Variants in AGPAT5 observed in about 807,000 individuals in gnomAD.
AGPAT5 encodes the protein 1-acyl-sn-glycerol-3-phosphate acyltransferase epsilon.
A neutral mutation model predicts 45.6 loss-of-function variants in AGPAT5; 46 were observed. The observed-to-expected ratio is 1.01, with a 90% CI of 0.80 to 1.29. The LOEUF is 1.29. Among genes scored for constraint, AGPAT5 ranks in the 50% most tolerant of loss-of-function variants. The pLI is 0.00. For synonymous variants in AGPAT5, 272 were observed against 167.0 expected (o/e 1.63, Z -4.85); for missense variants, 673 against 450.7 (o/e 1.49, Z -4.47).
intron 1 of AGPAT5, among the ~76,000 whole-genome samples, chr8:6,710,184 A>G (rs972992721): frequency 3.9e-5 from 6 of 152,186 alleles, no homozygotes; most frequent in Non-Finnish European, 5.9e-5. Context: ...AGAGGACACA[A>G]TATGATGCAG....
intron 1 of AGPAT5, among the ~76,000 whole-genome samples, chr8:6,709,959 C>G (rs59623151): frequency 0.037 from 5,569 of 152,150 alleles, 232 homozygotes; most frequent in East Asian, 0.13. Flanking sequence ...TAAAATGGGC[C>G]TCATTTAAAA....
chr8:6,725,447 C>G (rs1800653830), intron 2 of AGPAT5, among the ~76,000 whole-genome samples: 1 of 152,138 alleles, frequency 6.6e-6, no homozygotes, highest in South Asian at 2.1e-4. Context: ...TTGCAGAGAA[C>G]TGGTCTTCAA....
intron 4 of AGPAT5, among the ~76,000 whole-genome samples, chr8:6,739,632 A>G (rs1801173462): frequency 6.6e-6 from 1 of 152,152 alleles, no homozygotes; most frequent in Non-Finnish European, 1.5e-5. Context: ...AAACTTATTT[A>G]TCATCTAGTA....
intron 4 of AGPAT5, 57 bp from the exon 5 acceptor site, chr8:6,741,604 A>G: frequency 7.9e-7 from 1 of 1,266,264 alleles, no homozygotes; most frequent in Middle Eastern, 1.9e-4. Context: ...TTTTAGGTTA[A>G]CAATAACAAA....
chr8:6,710,499 C>T (rs1253930471), intron 1 of AGPAT5, among the ~76,000 whole-genome samples: 2 of 152,100 alleles, frequency 1.3e-5, no homozygotes, highest in East Asian at 1.9e-4. Context: ...CTTTAGGAGT[C>T]GTAGAACGAA....
intron 1 of AGPAT5, among the ~76,000 whole-genome samples, chr8:6,720,268 C>G: frequency 6.6e-6 from 1 of 150,398 alleles, no homozygotes; most frequent in East Asian, 2.0e-4. Context: ...AAAAAAAAAA[C>G]TTGGAATGAC....
At chr8:6,734,385 A>G (rs1376881012) in intron 4 of AGPAT5, among the ~76,000 whole-genome samples, 1 of 151,316 alleles carries the variant, frequency 6.6e-6, no homozygotes, top group African/African-American at 2.4e-5. Flanking sequence ...TCTACTGGTG[A>G]GCCAGTTTAA....
intron 5 of AGPAT5, among the ~76,000 whole-genome samples, chr8:6,747,337 A>G (rs1801508304): frequency 6.6e-6 from 1 of 152,200 alleles, no homozygotes; most frequent in South Asian, 2.1e-4. Context: ...GCAAGATGCT[A>G]TCACCTTTGT....
At chr8:6,721,808 G>A (rs969211346) in intron 1 of AGPAT5, among the ~76,000 whole-genome samples, 2 of 152,148 alleles carry the variant, frequency 1.3e-5, no homozygotes, top group Middle Eastern at 3.4e-3. Flanking sequence ...TTTTTTTGAC[G>A]TTAGTATTTT....
chr8:6,715,825 G>A (rs1201223930), intron 1 of AGPAT5, among the ~76,000 whole-genome samples: 1 of 152,150 alleles, frequency 6.6e-6, no homozygotes, highest in Non-Finnish European at 1.5e-5. Flanking sequence ...TAGTGGAGAA[G>A]GCTATAAAAA....
chr8:6,758,011 G>T lies in AGPAT5; in HGVS notation c.*623G>T, dbSNP rs1439888415. The T allele has an allele frequency of 6.6e-6, 1 of 152,162 alleles. No individual in the cohort carries two copies. Among genetic ancestry groups the T allele is most frequent in the Non-Finnish European group, 1.5e-5 (1 of 68,042 alleles). 9.4% of individuals were successfully genotyped at this position (152,162 alleles called of 1,614,324 possible). ...GCAAAATAAATTTCTAATATTTATTGAAATTGCTTAATTTGCACACCCTGT... is the reference window on the plus strand; with the variant it reads ...GCAAAATAAATTTCTAATATTTATTTAAATTGCTTAATTTGCACACCCTGT... On this transcript the variant is annotated 3_prime_UTR_variant, in exon 8 of 8. Transcript: ENST00000285518.
chr8:6,717,378 AG>A (rs1413825556), intron 1 of AGPAT5, among the ~76,000 whole-genome samples: 1 of 152,198 alleles, frequency 6.6e-6, no homozygotes, highest in African/African-American at 2.4e-5. Context: ...GAAAGAAAGG[AG>A]GGTGATGGTA....
intron 1 of AGPAT5, among the ~76,000 whole-genome samples, chr8:6,718,247 G>A (rs1800395837): frequency 1.3e-5 from 2 of 152,212 alleles, no homozygotes; most frequent in South Asian, 2.1e-4. Flanking sequence ...CTTCTTGGGT[G>A]GCACAGGCCA....
Position 6,730,411 on chromosome 8 carries a change from G to C in AGPAT5, c.290-300G>C, listed in dbSNP as rs1277399759. 1.6e-4 allele frequency among the ~76,000 whole-genome samples: 2 copies of C among 12,760 alleles called. 1 individual carries two copies. The highest frequency in any genetic ancestry group is 4.5e-3 in the East Asian group (2 of 440). The allele number at this position is 12,760 out of a possible 152,430, so 8.4% of individuals were successfully genotyped here. The stretch of plus-strand genomic sequence containing the variant: ...GTGGCGCAATCTCGGTTCACTGCAG[G>C]CTCCGCCCCCTGGGGTTCACGCCAT... On this transcript the variant is annotated intron_variant, in intron 2 of 7. Coordinates refer to ENST00000285518, the MANE Select transcript of AGPAT5 (RefSeq NM_018361.5).
chr8:6,734,374 G>C (rs1044627130), intron 4 of AGPAT5, among the ~76,000 whole-genome samples: 2 of 151,494 alleles, frequency 1.3e-5, no homozygotes, highest in Non-Finnish European at 2.9e-5. Flanking sequence ...GCTGTGTTGA[G>C]TCTACTGGTG....
In AGPAT5 at chr8:6,708,786, G is replaced by A; in HGVS notation, c.118G>A (p.Ala40Thr). Reference protein sequence around the residue: ...LAWGVWRLLSAFLPARFYQAL... With the variant: ...LAWGVWRLLSTFLPARFYQAL... ...CTGGGGGGTCTGGCGGCTGCTCTCC[G>A]CCTTCCTGCCCGCCCGCTTCTACCA... The change falls in exon 1 of 8, where the codon GCC becomes ACC. Residue 40 changes from alanine to threonine, a missense_variant. Transcript: ENST00000285518. The A allele has an allele frequency of 3.7e-6, 6 of 1,609,448 alleles. No homozygotes were observed. Among genetic ancestry groups the A allele is most frequent in the Non-Finnish European group, 5.1e-6 (6 of 1,179,626 alleles).
chr8:6,739,518 G>C (rs959199947), intron 4 of AGPAT5, among the ~76,000 whole-genome samples: 9 of 151,974 alleles, frequency 5.9e-5, no homozygotes, highest in Admixed American at 2.0e-4. Context: ...ATATCCCTAA[G>C]AATTTCAGTT....
chr8:6,730,890 G>C (rs1800840991), intron 3 of AGPAT5, 64 bp downstream of exon 3: 1 of 796,350 alleles, frequency 1.3e-6, no homozygotes, highest in Non-Finnish European at 1.8e-6. Context: ...TTTTTTTTTG[G>C]AGACAGTCTC....
intron 5 of AGPAT5, 139 bp downstream of exon 5, chr8:6,741,890 C>A (rs912144433): frequency 3.9e-5 from 24 of 619,398 alleles, no homozygotes; most frequent in Admixed American, 6.4e-5. Context: ...TACATATTAT[C>A]TCTTAGGAAA....
Sources: gnomAD v4.1 joint callset for allele counts (sites outside exome capture counted in the v4.1 genomes callset) on GRCh38, gnomAD v4.1.1 for gene constraint, MANE v1.5 for transcripts, NCBI Gene and HGNC (gene_info 2026-07-23, HGNC 2026-07-21) for gene names.